The following BEND2 variants were observed in gnomAD, a reference collection of about 807,000 sequenced individuals.
BEND2 encodes BEN domain containing 2.
In BEND2, 19 loss-of-function variants were observed where a neutral mutation model predicts 43.8. That is an observed-to-expected ratio of 0.43 (90% confidence interval 0.30 to 0.64). The LOEUF is 0.64. Among genes scored for constraint, BEND2 ranks in the 30% least tolerant of loss-of-function variants. BEND2 has a pLI of 0.11. For synonymous variants in BEND2, 226 were observed against 210.1 expected (o/e 1.08, Z -0.66); for missense variants, 544 against 574.0 (o/e 0.95, Z 0.53).
In BEND2 at chrX:18,165,048, T is replaced by G; in HGVS notation, c.2361A>C (p.Ser787=). 1 of 1,210,150 alleles carries G rather than the reference T, an allele frequency of 8.3e-7. No individual in the cohort carries two copies. The highest frequency in any genetic ancestry group is 1.8e-5 in the South Asian group (1 of 56,900). ...AVTPPELEQE[S]KPGDPDATDP... is the part of the protein sequence containing the mutation. The stretch of plus-strand genomic sequence containing the variant: ...CAGTGGCGTCGGGATCTCCTGGCTT[T>G]GACTCCTGCTCCAGCTCTGGAGGGG... Residue 787 remains serine, a synonymous_variant, in exon 14 of 14, where the codon TCA becomes TCC. Transcript: ENST00000380033.
At chrX:18,217,391 G>C in intron 1 of BEND2, among the ~76,000 whole-genome samples, 1 of 112,269 alleles carries the variant, frequency 8.9e-6, no homozygotes. Flanking sequence ...TTCACTCACA[G>C]ACCACATTTA....
At chrX:18,176,206 C>T in intron 10 of BEND2, 113 bp from the exon 11 acceptor site, 3 of 602,816 alleles carry the variant, frequency 5.0e-6, no homozygotes, top group Non-Finnish European at 7.2e-6. Context: ...TAATGGTGAG[C>T]ACTCTGGTGA....
chrX:18,212,970 G>A (rs191615064), intron 3 of BEND2, among the ~76,000 whole-genome samples: 1 of 111,837 alleles, frequency 8.9e-6, no homozygotes, highest in Non-Finnish European at 1.9e-5. Context: ...ATGAACAAGA[G>A]AACGCAAGGG....
chrX:18,201,699 G>T, intron 6 of BEND2, 116 bp downstream of exon 6: 1 of 866,424 alleles, frequency 1.2e-6, no homozygotes, highest in Non-Finnish European at 1.6e-6. Context: ...CACCATGTTG[G>T]TCAGGCTGGT....
chrX:18,170,205 A>G (rs1223616731), intron 13 of BEND2, among the ~76,000 whole-genome samples: 4 of 112,124 alleles, frequency 3.6e-5, no homozygotes. Context: ...ACACTCATAG[A>G]GTAAGTACTG....
At position 18,212,662 on chromosome X, in the gene BEND2, A is replaced by G. The variant is rs1925549988; in HGVS notation, c.395T>C (p.Ile132Thr). 6 of 1,201,945 alleles carry G rather than the reference A, an allele frequency of 5.0e-6. No homozygotes were observed. In the South Asian group the frequency reaches 8.9e-5, roughly 18 times the overall value. The change falls in exon 4 of 14, where the codon ATA becomes ACA. Residue 132 changes from isoleucine (I) to threonine (T), a missense_variant. Coordinates refer to ENST00000380033, the MANE Select transcript of BEND2 (RefSeq NM_153346.5). ...TACTGGGTGGTTTATCTGTGAAACT[A>G]TTTGGTCACCATGGGCTACTGTGAA... ...PPCPVAHGDQ[I>T]VSQINHPVHL...
At chrX:18,193,425 T>A (rs1160350620) in intron 7 of BEND2, among the ~76,000 whole-genome samples, 2 of 111,679 alleles carry the variant, frequency 1.8e-5, no homozygotes, top group African/African-American at 6.5e-5. Flanking sequence ...GTGGTGGGAA[T>A]CAAACCTACT....
intron 12 of BEND2, among the ~76,000 whole-genome samples, chrX:18,172,001 T>C (rs1455840539): frequency 9.0e-6 from 1 of 111,564 alleles, no homozygotes; most frequent in East Asian, 2.8e-4. Context: ...AAAATAAGTT[T>C]TAAGACTTTT....
chrX:18,166,147 C>T lies in BEND2; in HGVS notation c.2186-924G>A, dbSNP rs138655333. Among the ~76,000 whole-genome samples the T allele has an allele frequency of 4.5e-3, 509 of 112,081 alleles. 6 individuals are homozygous for T. Among genetic ancestry groups the T allele is most frequent in the African/African-American group, 0.015 (468 of 30,874 alleles). ...TCAGTATCCCACTCTATCCTGCTAACATTTTATTAACCAAAAATGAGTTCT... is the reference window on the plus strand; with the variant it reads ...TCAGTATCCCACTCTATCCTGCTAATATTTTATTAACCAAAAATGAGTTCT... On this transcript the variant is annotated intron_variant, in intron 13 of 13. Transcript: ENST00000380033.
rs202211742 is a variant in BEND2, at chrX:18,171,025, G to A, written c.2161C>T (p.Pro721Ser). The change falls in exon 13 of 14, where the codon CCC becomes TCC. Residue 721 changes from proline to serine, a missense_variant. Pro to Ser is a moderately conservative substitution (Grantham distance 74). Transcript: ENST00000380033. ...NLKHGLCALD[P>S]NKISALREFL... is the part of the protein sequence containing the mutation. ...CCTCGGAGAGCACTAATCTTATTGG[G>A]GTCAAGGGCACACAGGCCATGCTTC... 4.1e-5 allele frequency: 49 copies of A among 1,208,751 alleles called. 1 individual carries two copies. In the Admixed American group the frequency reaches 7.4e-4, roughly 18 times the overall value.
rs759642556 is a variant in BEND2, at chrX:18,216,977, A to G, written c.26-244T>C. 4.4e-5 allele frequency among the ~76,000 whole-genome samples: 5 copies of G among 112,589 alleles called. No individual in the cohort carries two copies. In the South Asian group the frequency reaches 1.8e-3, roughly 41 times the overall value. ...TAGACTACTATCTCTAGTACTTCCA[A>G]TTTCGTAGAGCAATAAATTTCTTCT... On this transcript the variant is annotated intron_variant, in intron 1 of 13. Coordinates refer to ENST00000380033, the MANE Select transcript of BEND2 (RefSeq NM_153346.5).
intron 8 of BEND2, among the ~76,000 whole-genome samples, chrX:18,183,283 T>C (rs1226869523): frequency 9.0e-6 from 1 of 110,892 alleles, no homozygotes; most frequent in African/African-American, 3.3e-5. Context: ...GAGTATATTT[T>C]CTGACCACAG....
Position 18,177,767 on chromosome X carries a change from A to G in BEND2, c.1432T>C (p.Tyr478His). 8.3e-7 allele frequency: 1 copy of G among 1,203,423 alleles called. No individual in the cohort carries two copies. The highest frequency in any genetic ancestry group is 1.1e-6 in the Non-Finnish European group (1 of 888,462). The change falls in exon 10 of 14, where the codon TAT becomes CAT. Residue 478 changes from tyrosine to histidine, a missense_variant and splice_region_variant. Transcript: ENST00000380033. ...ACATTTCTTTTTGGATCACCAAGAT[A>G]GCCTTTAAAAATAAAGAGAAAAAGG... is the stretch of plus-strand genomic sequence containing the variant. ...SSVCIPPKYG[Y>H]LGDPKRNVRV...
intron 6 of BEND2, 59 bp downstream of exon 6, chrX:18,201,756 G>C (rs1477396136): frequency 2.7e-5 from 31 of 1,136,248 alleles, no homozygotes; most frequent in Non-Finnish European, 3.3e-5. Flanking sequence ...CCCTCCCAAA[G>C]TGCTGGGATT....
intron 4 of BEND2, among the ~76,000 whole-genome samples, chrX:18,211,323 G>T (rs191252212): frequency 8.0e-4 from 89 of 111,688 alleles, no homozygotes; most frequent in African/African-American, 2.8e-3. Flanking sequence ...AGAAAAACTG[G>T]CAATTTCTCA....
At chrX:18,202,957 T>C (rs768519200) in intron 5 of BEND2, among the ~76,000 whole-genome samples, 2 of 111,900 alleles carry the variant, frequency 1.8e-5, no homozygotes, top group South Asian at 7.5e-4. Flanking sequence ...ATAAAGGAAC[T>C]ACTGAAACAC....
At position 18,191,126 on chromosome X, in the gene BEND2, T is replaced by A; in HGVS notation, c.1181-18A>T. 4 of 1,144,661 alleles carry A rather than the reference T, an allele frequency of 3.5e-6. No homozygotes were observed. The South Asian group carries it at 7.8e-5, about 22-fold the overall frequency. 94.3% of individuals were successfully genotyped at this position (1,144,661 alleles called of 1,213,427 possible). ...GCCAGATTCTGTTTTGAACAACATTTCAATATGTAAAACATTTTGCAGTGC... is the reference window on the plus strand; with the variant it reads ...GCCAGATTCTGTTTTGAACAACATTACAATATGTAAAACATTTTGCAGTGC... On this transcript the variant is annotated intron_variant, in intron 7 of 13. Coordinates refer to ENST00000380033, the MANE Select transcript of BEND2 (RefSeq NM_153346.5).
intron 7 of BEND2, among the ~76,000 whole-genome samples, chrX:18,193,557 T>C (rs1214076978): frequency 4.5e-5 from 5 of 111,341 alleles, no homozygotes; most frequent in African/African-American, 1.6e-4. Flanking sequence ...TCTGTTACAG[T>C]TTTGCAAGAT....
intron 7 of BEND2, among the ~76,000 whole-genome samples, chrX:18,194,318 G>A (rs996730795): frequency 2.9e-4 from 32 of 110,339 alleles, no homozygotes; most frequent in African/African-American, 1.0e-3. Flanking sequence ...CCAAAAACCA[G>A]TACACAGTAC....
Sources: allele counts gnomAD v4.1 joint callset (sites outside exome capture counted in the v4.1 genomes callset), GRCh38; gene constraint gnomAD v4.1.1; transcripts MANE v1.5; gene names NCBI Gene and HGNC (gene_info 2026-07-23, HGNC 2026-07-21).